Variants in CCDC170 observed in about 807,000 individuals in gnomAD.
The protein encoded by CCDC170 is coiled-coil domain-containing protein 170.
CCDC170 carries 69 observed loss-of-function variants against 72.6 expected under a neutral mutation model. That is an observed-to-expected ratio of 0.95 (90% CI 0.78 to 1.16). CCDC170 has a LOEUF of 1.16. Among genes scored for constraint, CCDC170 ranks in the 50% most tolerant of loss-of-function variants. The pLI is 0.00. For synonymous variants in CCDC170, 300 were observed against 303.9 expected (o/e 0.99, Z 0.13); for missense variants, 852 against 832.5 (o/e 1.02, Z -0.29).
rs187984433 is a variant in CCDC170 at position 151,618,080 on chromosome 6, C to A, written c.2081C>A (p.Ala694Asp). 2.0e-4 allele frequency: 329 copies of A among 1,614,118 alleles called. No homozygotes were observed. In the African/African-American group the frequency reaches 3.9e-3, roughly 19 times the overall value. ...HSHQHHFVTC[A>D]CLKDVTTGQE... Reference sequence around the variant, plus strand: ...CATCAGCATCACTTTGTTACCTGTGCCTGCCTCAAAGATGTGACTACTGGG... The same window carrying A: ...CATCAGCATCACTTTGTTACCTGTGACTGCCTCAAAGATGTGACTACTGGG... The change falls in exon 11 of 11, where the codon GCC (alanine) becomes GAC (aspartate). Residue 694 changes from alanine (A) to aspartate (D), a missense_variant. Ala to Asp is a moderately radical substitution (Grantham distance 126, BLOSUM62 -2). Transcript: ENST00000239374.
At chr6:151,527,858 A>C (rs1291588329) in intron 1 of CCDC170, among the ~76,000 whole-genome samples, 1 of 151,978 alleles carries the variant, frequency 6.6e-6, no homozygotes, top group Non-Finnish European at 1.5e-5. Context: ...TGGATTTAGG[A>C]GCTTTTGTGT....
intron 2 of CCDC170, 134 bp from the exon 3 acceptor site, chr6:151,537,911 T>G: frequency 2.3e-6 from 2 of 866,072 alleles, no homozygotes; most frequent in Non-Finnish European, 3.4e-6. Flanking sequence ...ATACAAATAT[T>G]AGAAAAAAAA....
At chr6:151,600,979 T>C (rs377189654) in intron 9 of CCDC170, among the ~76,000 whole-genome samples, 9 of 152,326 alleles carry the variant, frequency 5.9e-5, no homozygotes, top group East Asian at 5.8e-4. Flanking sequence ...TGTATATAAA[T>C]GGAACCATAT....
chr6:151,557,019 T>A (rs1257124711), intron 5 of CCDC170, among the ~76,000 whole-genome samples: 2 of 152,164 alleles, frequency 1.3e-5, no homozygotes, highest in African/African-American at 4.8e-5. Context: ...TCACTCAACA[T>A]AATGACCTCT....
intron 5 of CCDC170, among the ~76,000 whole-genome samples, chr6:151,559,923 A>AT (rs58571731): frequency 0.51 from 77,331 of 151,408 alleles, 20,657 homozygotes; most frequent in Non-Finnish European, 0.6. Context: ...ATCCTTTTAT[A>AT]TTTTTTTGGC....
chr6:151,590,475 G>A (rs1041148520), intron 7 of CCDC170, among the ~76,000 whole-genome samples: 14 of 152,080 alleles, frequency 9.2e-5, no homozygotes, highest in African/African-American at 2.4e-4. Context: ...ATTTTCCGTC[G>A]CTAACTGCAT....
chr6:151,596,606 C>T (rs745377097), intron 9 of CCDC170, 29 bp downstream of exon 9: 2 of 1,609,538 alleles, frequency 1.2e-6, no homozygotes. Context: ...TTTGTTGTTG[C>T]TTTTTGCTGG....
chr6:151,568,276 C>T (rs1776167882), intron 5 of CCDC170, among the ~76,000 whole-genome samples: 1 of 152,096 alleles, frequency 6.6e-6, no homozygotes, highest in Non-Finnish European at 1.5e-5. Flanking sequence ...TTGAATAGTG[C>T]TGTCCAAGGA....
chr6:151,551,500 A>T (rs1263753036), intron 5 of CCDC170, among the ~76,000 whole-genome samples: 1 of 152,176 alleles, frequency 6.6e-6, no homozygotes, highest in Admixed American at 6.5e-5. Flanking sequence ...CACTTTTGAT[A>T]TTAGGTTATA....
intron 9 of CCDC170, among the ~76,000 whole-genome samples, chr6:151,599,371 A>G (rs1484839525): frequency 6.6e-6 from 1 of 152,160 alleles, no homozygotes; most frequent in Admixed American, 6.5e-5. Flanking sequence ...TAGTGCTGTC[A>G]TGGTATTTGG....
chr6:151,510,116 AAAAC>A (rs956942904), intron 1 of CCDC170, among the ~76,000 whole-genome samples: 29 of 152,340 alleles, frequency 1.9e-4, no homozygotes, highest in African/African-American at 6.0e-4. Context: ...CTCCGTCTCA[AAAAC>A]AAACAAGCCC....
intron 1 of CCDC170, among the ~76,000 whole-genome samples, chr6:151,533,174 C>T (rs1782517003): frequency 6.6e-6 from 1 of 151,592 alleles, no homozygotes. Flanking sequence ...CTGCCTCAGC[C>T]TCCCGAGTAG....
chr6:151,601,868 T>G (rs1383730575), intron 9 of CCDC170, among the ~76,000 whole-genome samples: 1 of 152,238 alleles, frequency 6.6e-6, no homozygotes, highest in Non-Finnish European at 1.5e-5. Flanking sequence ...ACCAAGTATC[T>G]GGGCATGATT....
At chr6:151,544,761 CT>C in intron 4 of CCDC170, 45 bp downstream of exon 4, 1 of 1,561,972 alleles carries the variant, frequency 6.4e-7, no homozygotes, top group Non-Finnish European at 8.7e-7. Flanking sequence ...AGTGGTGATT[CT>C]GACATGTGGC....
chr6:151,506,559 G>A (rs1382937737), intron 1 of CCDC170, among the ~76,000 whole-genome samples: 3 of 152,164 alleles, frequency 2.0e-5, no homozygotes, highest in Admixed American at 6.5e-5. Context: ...ATTTTGACCT[G>A]GAGACAGTTT....
At chr6:151,525,167 T>C (rs942304892) in intron 1 of CCDC170, among the ~76,000 whole-genome samples, 6 of 152,018 alleles carry the variant, frequency 3.9e-5, no homozygotes, top group Non-Finnish European at 8.8e-5. Context: ...CTCCTGACCT[T>C]GTGATCCGCC....
At chr6:151,592,030 A>G (rs1056986075) in intron 7 of CCDC170, among the ~76,000 whole-genome samples, 1 of 151,944 alleles carries the variant, frequency 6.6e-6, no homozygotes, top group Non-Finnish European at 1.5e-5. Context: ...AGGAAGGTGC[A>G]TGGGTGGGTG....
chr6:151,506,005 G>C (rs1004572354), intron 1 of CCDC170, among the ~76,000 whole-genome samples: 1 of 152,148 alleles, frequency 6.6e-6, no homozygotes, highest in African/African-American at 2.4e-5. Context: ...GGAGGTTGGG[G>C]CAGGAGGGTA....
intron 8 of CCDC170, among the ~76,000 whole-genome samples, chr6:151,595,160 G>C (rs1039410239): frequency 1.3e-5 from 2 of 152,066 alleles, no homozygotes; most frequent in Non-Finnish European, 2.9e-5. Context: ...TCTTCAGCTT[G>C]AACACTTGAT....
Sources: gnomAD v4.1 joint callset for allele counts (sites outside exome capture counted in the v4.1 genomes callset) on GRCh38, gnomAD v4.1.1 for gene constraint, MANE v1.5 for transcripts, NCBI Gene and HGNC (gene_info 2026-07-23, HGNC 2026-07-21) for gene names.